PCED1A: variants seen among roughly 807,000 people sequenced by gnomAD.
PCED1A encodes PC-esterase domain containing 1A.
Under a neutral mutation model 41.9 loss-of-function variants are expected in PCED1A, and 20 were observed. That is an observed-to-expected ratio of 0.48 (90% confidence interval 0.34 to 0.69). The LOEUF is 0.69. PCED1A is among the 30% of genes least tolerant of loss of function. The probability of loss-of-function intolerance (pLI) is 0.01; values close to 1 mark genes in which losing one functional copy is unlikely to be tolerated. For missense variants in PCED1A, 498 were observed against 602.1 expected (o/e 0.83, Z 1.81); for synonymous variants, 236 against 241.3 (o/e 0.98, Z 0.20).
chr20:2,838,257 C>G lies in PCED1A; in HGVS notation c.816G>C (p.Glu272Asp). The G allele has an allele frequency of 6.2e-7, 1 of 1,614,226 alleles. No homozygotes were observed. Among genetic ancestry groups the G allele is most frequent in the Non-Finnish European group, 8.5e-7 (1 of 1,180,036 alleles). Residue 272 changes from glutamate (E) to aspartate (D), a missense_variant, in exon 6 of 8, where the codon GAG becomes GAC. By Grantham distance (45) the Glu-to-Asp change is conservative. Transcript: ENST00000360652. This position sits in a 1 kb window ranked among gnomAD's most constrained non-coding sequence, Gnocchi z 5.8. The stretch of plus-strand genomic sequence containing the variant: ...CAGGGGGATAGCCACGCTTGGGCAG[C>G]TCCACGCCCCAGGCGTCAGCCACAT... ...LTHVADAWGV[E>D]LPKRGYPPDP...
In PCED1A at chr20:2,838,532, G is replaced by A; in HGVS notation, c.595-54C>T. The A allele has an allele frequency of 6.2e-7, 1 of 1,613,884 alleles. No homozygotes were observed. The highest frequency in any genetic ancestry group is 8.5e-7 in the Non-Finnish European group (1 of 1,179,794). On this transcript the variant is annotated intron_variant, in intron 5 of 7. Coordinates refer to ENST00000360652, the MANE Select transcript of PCED1A (RefSeq NM_022760.6). This position sits in a 1 kb window ranked among gnomAD's most constrained non-coding sequence, Gnocchi z 5.8. Reference sequence around the variant, plus strand: ...CCACAGAACGCAGCAGGGTCTGAAAGCAGGGTGTCCTATCTACCAGTCTGC... The same window carrying A: ...CCACAGAACGCAGCAGGGTCTGAAAACAGGGTGTCCTATCTACCAGTCTGC...
At chr20:2,837,917 C>T (rs1322940817) in intron 6 of PCED1A, among the ~76,000 whole-genome samples, 3 of 152,198 alleles carry the variant, frequency 2.0e-5, no homozygotes, top group Non-Finnish European at 4.4e-5. Context: ...CACACCCATG[C>T]CCCATTTCTT....
chr20:2,836,077 T>C lies in PCED1A; in HGVS notation c.1079A>G (p.Tyr360Cys), dbSNP rs1215178298. ...CATCGAGAAGTCCTCCACTGGATTA[T>C]AGTTGAAGAATTCATGGGGTGGGAA... ...QPFPPHEFFNYNPVEDFSMPP... is the reference protein window; with the variant it reads ...QPFPPHEFFNCNPVEDFSMPP... Residue 360 changes from tyrosine to cysteine, a missense_variant, in exon 7 of 8, where the codon TAT becomes TGT. Coordinates refer to ENST00000360652, the MANE Select transcript of PCED1A (RefSeq NM_022760.6). 11 of 1,517,980 alleles carry C rather than the reference T, an allele frequency of 7.2e-6. No homozygotes were observed. The South Asian group carries it at 1.0e-4, about 14-fold the overall frequency. 94.0% of individuals were successfully genotyped at this position (1,517,980 alleles called of 1,614,324 possible).
chr20:2,840,912 C>G, upstream of PCED1A: 9 of 1,309,426 alleles, frequency 6.9e-6, no homozygotes, highest in Non-Finnish European at 9.4e-6. Context: ...TCGCCCCTGT[C>G]ACTACTGGCG....
At position 2,840,590 on chromosome 20, in the gene PCED1A, G is replaced by A. The variant is rs905999670; in HGVS notation, c.-401C>T. 2.6e-5 allele frequency: 17 copies of A among 642,856 alleles called. No homozygotes were observed. The highest frequency in any genetic ancestry group is 1.1e-4 in the Admixed American group (4 of 35,960). The allele number at this position is 642,856 out of a possible 1,614,324, so 39.8% of individuals were successfully genotyped here. A position where few individuals can be genotyped will look rare whatever the true frequency, so the allele number is the denominator to read the frequency against. The stretch of plus-strand genomic sequence containing the variant: ...GGAGCCAGGGCTGGGCCCACTTGGC[G>A]GGCGCGAAGCCCAGGTACGGGCTGG... On this transcript the variant is annotated 5_prime_UTR_variant, in exon 1 of 8. Coordinates refer to ENST00000360652, the MANE Select transcript of PCED1A (RefSeq NM_022760.6).
rs1344727768 is a variant in PCED1A at position 2,836,068 on chromosome 20, A to C, written c.1088T>G (p.Val363Gly). 1 of 1,504,926 alleles carries C rather than the reference A, an allele frequency of 6.6e-7. No homozygotes were observed. Among genetic ancestry groups the C allele is most frequent in the South Asian group, 1.3e-5 (1 of 74,612 alleles). 93.2% of individuals were successfully genotyped at this position (1,504,926 alleles called of 1,614,324 possible). ...GTGGGGTGGCATCGAGAAGTCCTCC[A>C]CTGGATTATAGTTGAAGAATTCATG... ...PPHEFFNYNP[V>G]EDFSMPPHLG... is the part of the protein sequence containing the mutation. Residue 363 changes from valine (V) to glycine (G), a missense_variant, in exon 7 of 8, where the codon GTG becomes GGG. By Grantham distance (109) the Val-to-Gly change is moderately radical. This residue lies in a region of PCED1A where 245 missense variants were observed against 232.4 expected (regional missense o/e 1.05). Transcript: ENST00000360652.
intron 7 of PCED1A, 97 bp from the exon 8 acceptor site, chr20:2,835,806 T>C: frequency 6.7e-7 from 1 of 1,500,222 alleles, no homozygotes; most frequent in Non-Finnish European, 8.9e-7. Flanking sequence ...AGCTTCTCTG[T>C]TTCCCTATCT....
chr20:2,840,409 T>C lies in PCED1A; in HGVS notation c.-220A>G, dbSNP rs539775001. The C allele has an allele frequency of 5.4e-6, 2 of 372,690 alleles. No homozygotes were observed. Among genetic ancestry groups the C allele is most frequent in the South Asian group, 2.7e-5 (1 of 36,642 alleles). The allele number at this position is 372,690 out of a possible 1,614,324, so 23.1% of individuals were successfully genotyped here. A position where few individuals can be genotyped will look rare whatever the true frequency, so the allele number is the denominator to read the frequency against. Reference sequence around the variant, plus strand: ...ACAGCCCAGCGCCCAGCGCTCTCCATGCGAGCGTCGCTGTGGCCCCGACGG... The same window carrying C: ...ACAGCCCAGCGCCCAGCGCTCTCCACGCGAGCGTCGCTGTGGCCCCGACGG... On this transcript the variant is annotated 5_prime_UTR_variant, in exon 1 of 8. The change abolishes an upstream ATG in the 5' untranslated region. Transcript: ENST00000360652.
chr20:2,836,275 A>T lies in PCED1A; in HGVS notation c.881T>A (p.Phe294Tyr). 6.2e-7 allele frequency: 1 copy of T among 1,614,140 alleles called. No individual in the cohort carries two copies. ...TGGGGTCTGCCTATGGCTTCCCTGG[A>T]ATGGATGATTCATCTCTGCCCAGTC... ...IEDWAEMNHP[F>Y]QGSHRQTPDF... Residue 294 changes from phenylalanine (F) to tyrosine (Y), a missense_variant, in exon 7 of 8, where the codon TTC (phenylalanine) becomes TAC (tyrosine). This residue lies in a region of PCED1A where 245 missense variants were observed against 232.4 expected (regional missense o/e 1.05). Transcript: ENST00000360652.
At chr20:2,835,787 C>A in intron 7 of PCED1A, 78 bp from the exon 8 acceptor site, 1 of 1,505,052 alleles carries the variant, frequency 6.6e-7, no homozygotes, top group Admixed American at 2.3e-5. Context: ...AACTCTTGTC[C>A]TCCAGGTGAG....
Position 2,838,968 on chromosome 20 carries a change from G to C in PCED1A, c.319C>G (p.Leu107Val). 6.2e-7 allele frequency: 1 copy of C among 1,614,066 alleles called. No homozygotes were observed. The highest frequency in any genetic ancestry group is 8.5e-7 in the Non-Finnish European group (1 of 1,180,038). The change falls in exon 4 of 8, where the codon CTT becomes GTT. Residue 107 changes from leucine (L) to valine (V), a missense_variant. Around this residue, in one of 2 missense-constraint regions of PCED1A, gnomAD observed 253 missense variants for 369.7 expected, o/e 0.68. Coordinates refer to ENST00000360652, the MANE Select transcript of PCED1A (RefSeq NM_022760.6). This position sits in a 1 kb window ranked among gnomAD's most constrained non-coding sequence, Gnocchi z 5.8. ...RQFCSGSGHH[L>V]VRFYFLTRVY... Reference sequence around the variant, plus strand: ...CGAGTGAGGAAGTAGAAGCGCACAAGGTGGTGGCCAGAGCCCGAGCAGAAC... The same window carrying C: ...CGAGTGAGGAAGTAGAAGCGCACAACGTGGTGGCCAGAGCCCGAGCAGAAC...
chr20:2,840,935 C>A, upstream of PCED1A: 1 of 1,116,264 alleles, frequency 9.0e-7, no homozygotes, highest in Non-Finnish European at 1.3e-6. Context: ...GGGGTCCGCC[C>A]CGCGCCGGCT....
intron 6 of PCED1A, among the ~76,000 whole-genome samples, chr20:2,836,574 T>C (rs1227792744): frequency 2.0e-5 from 3 of 152,154 alleles, no homozygotes; most frequent in Non-Finnish European, 4.4e-5. Flanking sequence ...TGCCCAGGTC[T>C]TGTATCTAGC....
chr20:2,838,164 C>A lies in PCED1A; in HGVS notation c.841+68G>T. ...TTCCCTTGAGTGGCTGTGTCCCATT[C>A]TGTTTCTGAGCCCTGTCCTCTGAGG... On this transcript the variant is annotated intron_variant, in intron 6 of 7. Transcript: ENST00000360652. The surrounding 1 kb of genome is among the most constrained non-coding windows in gnomAD (Gnocchi z 5.8). 6.2e-7 allele frequency: 1 copy of A among 1,606,438 alleles called. No individual in the cohort carries two copies. Among genetic ancestry groups the A allele is most frequent in the East Asian group, 2.2e-5 (1 of 44,808 alleles).
chr20:2,838,425 G>A lies in PCED1A; in HGVS notation c.648C>T (p.Tyr216=), dbSNP rs1476805313. Reference sequence around the variant, plus strand: ...AGTGGTCCCCGGCCAGCGTAGCACTGTAGAAGTTCCCTTCAACCACATCCC... The same window carrying A: ...AGTGGTCCCCGGCCAGCGTAGCACTATAGAAGTTCCCTTCAACCACATCCC... The part of the protein sequence containing the change: ...LRRDVVEGNF[Y]SATLAGDHCF... The change falls in exon 6 of 8, where the codon TAC becomes TAT. Residue 216 remains tyrosine (Y), a synonymous_variant. Coordinates refer to ENST00000360652, the MANE Select transcript of PCED1A (RefSeq NM_022760.6). This position sits in a 1 kb window ranked among gnomAD's most constrained non-coding sequence, Gnocchi z 5.8. The A allele has an allele frequency of 6.2e-7, 1 of 1,614,266 alleles. No individual in the cohort carries two copies. The highest frequency in any genetic ancestry group is 8.5e-7 in the Non-Finnish European group (1 of 1,180,044).
In PCED1A at chr20:2,838,355, G is replaced by A. The variant is rs1349972452; in HGVS notation, c.718C>T (p.Gln240Ter). 6.2e-7 allele frequency: 1 copy of A among 1,614,268 alleles called. No homozygotes were observed. ...DLHFHFRHAV[Q>*]HRHRDGVHWD... ...TGGACACCATCCCGATGACGGTGCT[G>A]TACTGCATGCCGGAAGTGAAAGTGG... The change falls in exon 6 of 8, where the codon CAG becomes TAG. Residue 240 changes from glutamine (Q) to a stop codon, truncating the protein, a stop_gained. Coordinates refer to ENST00000360652, the MANE Select transcript of PCED1A (RefSeq NM_022760.6). LOFTEE classifies it high-confidence loss of function. This position sits in a 1 kb window ranked among gnomAD's most constrained non-coding sequence, Gnocchi z 5.8.
At chr20:2,836,914 A>T (rs746206074) in intron 6 of PCED1A, among the ~76,000 whole-genome samples, 25 of 151,996 alleles carry the variant, frequency 1.6e-4, no homozygotes, top group Non-Finnish European at 8.8e-5. Flanking sequence ...TGCCAATCCA[A>T]AGCATGAGCA....
chr20:2,835,589 T>C lies in PCED1A; in HGVS notation c.1238A>G (p.Asn413Ser). The change falls in exon 8 of 8, where the codon AAC becomes AGC. Residue 413 changes from asparagine (N) to serine (S), a missense_variant. Around this residue, in one of 2 missense-constraint regions of PCED1A, gnomAD observed 245 missense variants for 232.4 expected, o/e 1.05. Coordinates refer to ENST00000360652, the MANE Select transcript of PCED1A (RefSeq NM_022760.6). ...VHRGMPRYVP[N>S]SPYHVRRMGG... ...CATTCTCCGCACATGGTAGGGGCTGTTAGGAACATAGCGTGGCATCCCCCG... is the reference window on the plus strand; with the variant it reads ...CATTCTCCGCACATGGTAGGGGCTGCTAGGAACATAGCGTGGCATCCCCCG... 1 of 1,614,052 alleles carries C rather than the reference T, an allele frequency of 6.2e-7. No individual in the cohort carries two copies.
intron 6 of PCED1A, 47 bp from the exon 7 acceptor site, chr20:2,836,361 C>T (rs1488745876): frequency 6.5e-7 from 1 of 1,531,162 alleles, no homozygotes; most frequent in South Asian, 1.1e-5. Context: ...GCCAGGCTGC[C>T]CTGAACTCTG....
Sources: gnomAD v4.1 joint callset for allele counts (sites outside exome capture counted in the v4.1 genomes callset) on GRCh38, gnomAD v4.1.1 for gene constraint, gnomAD v4.1.1 regional missense constraint, Gnocchi (gnomAD v3.1) non-coding constraint, MANE v1.5 for transcripts, NCBI Gene and HGNC (gene_info 2026-07-23, HGNC 2026-07-21) for gene names.